Variants in PAXIP1 observed in about 807,000 individuals in gnomAD.
PAXIP1 encodes PAX-interacting protein 1.
PAXIP1 carries 19 observed loss-of-function variants against 140.6 expected under a neutral mutation model. The observed-to-expected ratio is 0.14, with a 90% confidence interval of 0.09 to 0.20. PAXIP1 has a LOEUF of 0.20. Ranked by LOEUF, PAXIP1 falls within the 10% of genes least tolerant of loss-of-function variation. The pLI, the probability that PAXIP1 is intolerant of heterozygous loss-of-function variation, is 1.00. For synonymous variants in PAXIP1, 442 were observed against 444.6 expected (o/e 0.99, Z 0.07); for missense variants, 920 against 1,208.6 (o/e 0.76, Z 3.54).
At chr7:154,980,012 G>A (rs535336955) in intron 5 of PAXIP1, among the ~76,000 whole-genome samples, 55 of 152,318 alleles carry the variant, frequency 3.6e-4, no homozygotes, top group African/African-American at 1.2e-3. Context: ...AAATTTGTGA[G>A]AGCCTATTGT....
chr7:154,983,261 G>A lies in PAXIP1; in HGVS notation c.396C>T (p.Leu132=), dbSNP rs775916367. 5.0e-5 allele frequency: 81 copies of A among 1,612,444 alleles called. No homozygotes were observed. The highest frequency in any genetic ancestry group is 6.4e-5 in the Non-Finnish European group (76 of 1,179,142). The stretch of plus-strand genomic sequence containing the variant: ...CAATCAAATGCGTGCATTTCTTATT[G>A]AGGGTTAGCTGGCAATCTCCCCCAT... The part of the protein sequence containing the change: ...TFYGGDCQLT[L]NKKCTHLIVP... Residue 132 remains leucine, a synonymous_variant, in exon 5 of 21, where the codon CTC becomes CTT. Transcript: ENST00000404141.
chr7:154,960,313 C>CT (rs1162389017), intron 12 of PAXIP1, among the ~76,000 whole-genome samples: 1 of 152,154 alleles, frequency 6.6e-6, no homozygotes, highest in East Asian at 1.9e-4. Flanking sequence ...ACCTTCTTGC[C>CT]TTATCACAGG....
intron 16 of PAXIP1, chr7:154,949,499 A>G (rs951840229): frequency 3.9e-5 from 6 of 152,332 alleles, no homozygotes; most frequent in Admixed American, 3.3e-4. Flanking sequence ...AAGGAACAAA[A>G]AAAGTACTGT....
At chr7:154,993,699 T>A (rs1159398912) in intron 3 of PAXIP1, 27 bp downstream of exon 3, 1 of 1,558,136 alleles carries the variant, frequency 6.4e-7, no homozygotes. Flanking sequence ...ACCCTTTCCC[T>A]CCTCCCCCAC....
rs1355667341 is a variant in PAXIP1, at chr7:154,954,778, T to G, written c.2653-355A>C. ...CCAAGACTTCCTAGGCCAAAACTGGTGTTAATGAAGAACATTTACCTGCTA... is the reference window on the plus strand; with the variant it reads ...CCAAGACTTCCTAGGCCAAAACTGGGGTTAATGAAGAACATTTACCTGCTA... On this transcript the variant is annotated intron_variant, in intron 15 of 20. Coordinates refer to ENST00000404141, the MANE Select transcript of PAXIP1 (RefSeq NM_007349.4). The surrounding 1 kb of genome is among the most constrained non-coding windows in gnomAD (Gnocchi z 5.1). Among the ~76,000 whole-genome samples, 1 of 152,204 alleles carries G rather than the reference T, an allele frequency of 6.6e-6. No homozygotes were observed. Among genetic ancestry groups the G allele is most frequent in the Non-Finnish European group, 1.5e-5 (1 of 68,038 alleles).
chr7:154,978,966 T>G (rs1809723473), intron 5 of PAXIP1, among the ~76,000 whole-genome samples: 2 of 152,190 alleles, frequency 1.3e-5, no homozygotes, highest in Non-Finnish European at 2.9e-5. Flanking sequence ...CTATTTCCTG[T>G]GGAAATCTAA....
intron 5 of PAXIP1, among the ~76,000 whole-genome samples, chr7:154,977,055 TG>T (rs1264178051): frequency 6.6e-6 from 1 of 152,170 alleles, no homozygotes; most frequent in Non-Finnish European, 1.5e-5. Flanking sequence ...GAGCTTTGGC[TG>T]GGGCACAAAT....
Position 154,986,113 on chromosome 7 carries a change from C to A in PAXIP1, c.325-2781G>T. The A allele has an allele frequency of 1.5e-6, 2 of 1,363,762 alleles. No individual in the cohort carries two copies. Among genetic ancestry groups the A allele is most frequent in the Non-Finnish European group, 2.0e-6 (2 of 1,020,812 alleles). 84.5% of individuals were successfully genotyped at this position (1,363,762 alleles called of 1,614,324 possible). On this transcript the variant is annotated intron_variant, in intron 4 of 20. Coordinates refer to ENST00000404141, the MANE Select transcript of PAXIP1 (RefSeq NM_007349.4). The surrounding 1 kb of genome is among the most constrained non-coding windows in gnomAD (Gnocchi z 4.8). ...TCCCAACTTCTGCTGGACAAGCTCC[C>A]TTCCCTACCTCTCCCTGGGAGAGCT...
At chr7:154,945,764 T>A in intron 20 of PAXIP1, 1 of 985,220 alleles carries the variant, frequency 1.0e-6, no homozygotes, top group Non-Finnish European at 1.2e-6. Flanking sequence ...ACTGATAGGC[T>A]GTTCCTACAT....
rs752984489 is a variant in PAXIP1, at chr7:154,968,464, T to TTGCTGC, written c.1731_1736dup (p.Gln580_Gln581dup). 7.1e-7 allele frequency: 1 copy of TTGCTGC among 1,399,752 alleles called. No individual in the cohort carries two copies. The highest frequency in any genetic ancestry group is 2.5e-5 in the East Asian group (1 of 40,206). The allele number at this position is 1,399,752 out of a possible 1,614,324, so 86.7% of individuals were successfully genotyped here. ...GCTGAGGCGATGGTGGTGGCTGCTG[T>TTGCTGC]TGCTGCTGCTGCTGCGGGGGCTGCT... On this transcript the variant is annotated inframe_insertion, in exon 7 of 21. Coordinates refer to ENST00000404141, the MANE Select transcript of PAXIP1 (RefSeq NM_007349.4).
chr7:154,967,785 A>C lies in PAXIP1; in HGVS notation c.1893+31T>G, dbSNP rs775433690. On this transcript the variant is annotated intron_variant, in intron 8 of 20. Transcript: ENST00000404141. ...ACATAAGAAAGAAGCATCTTCAGAC[A>C]CAGTCATCCTTCCTCCAGGCACAAT... 9 of 1,464,178 alleles carry C rather than the reference A, an allele frequency of 6.1e-6. No homozygotes were observed. The South Asian group carries it at 1.0e-4, about 17-fold the overall frequency. 90.7% of individuals were successfully genotyped at this position (1,464,178 alleles called of 1,614,324 possible).
intron 20 of PAXIP1, chr7:154,945,465 G>A (rs1422002422): frequency 3.2e-6 from 3 of 929,272 alleles, no homozygotes; most frequent in Non-Finnish European, 3.9e-6. Flanking sequence ...AGGCACACAC[G>A]AAGAAAAAAA....
chr7:154,977,337 G>C (rs557491746), intron 5 of PAXIP1, among the ~76,000 whole-genome samples: 1 of 152,300 alleles, frequency 6.6e-6, no homozygotes, highest in East Asian at 1.9e-4. Context: ...CAATTCTCTA[G>C]CAAACACATA....
chr7:154,968,362 A>G, intron 7 of PAXIP1, 41 bp downstream of exon 7: 1 of 1,484,412 alleles, frequency 6.7e-7, no homozygotes, highest in South Asian at 1.3e-5. Flanking sequence ...ATGTGGGTAC[A>G]AGACTTTTAG....
In PAXIP1 at chr7:154,969,028, T is replaced by G. The variant is rs1333599073; in HGVS notation, c.1173A>C (p.Gln391His). The change falls in exon 7 of 21, where the codon CAA becomes CAC. Residue 391 changes from glutamine (Q) to histidine (H), a missense_variant. Around this residue, in one of 5 missense-constraint regions of PAXIP1, gnomAD observed 419 missense variants for 514.7 expected, o/e 0.81. Coordinates refer to ENST00000404141, the MANE Select transcript of PAXIP1 (RefSeq NM_007349.4). ...HTNANAVLFSQVKVTPETHML... is the reference protein window; with the variant it reads ...HTNANAVLFSHVKVTPETHML... ...TGTGTGTCTCTGGAGTCACTTTCACTTGGCTAAACAGCACTGCATTGGCAT... is the reference window on the plus strand; with the variant it reads ...TGTGTGTCTCTGGAGTCACTTTCACGTGGCTAAACAGCACTGCATTGGCAT... The G allele has an allele frequency of 1.9e-6, 3 of 1,549,840 alleles. No homozygotes were observed. Among genetic ancestry groups the G allele is most frequent in the Non-Finnish European group, 2.6e-6 (3 of 1,146,010 alleles).
upstream of PAXIP1, chr7:155,003,202 C>T (rs1811021298): frequency 6.6e-6 from 1 of 151,016 alleles, no homozygotes; most frequent in African/African-American, 2.4e-5. Flanking sequence ...GCCGCCCGGC[C>T]TCCAGTGACG....
chr7:154,962,496 T>C (rs371623668), intron 9 of PAXIP1, 38 bp from the exon 10 acceptor site: 2 of 1,584,178 alleles, frequency 1.3e-6, no homozygotes, highest in African/African-American at 2.7e-5. Context: ...TGTTTTTGTT[T>C]TTCTGCTGCA....
intron 5 of PAXIP1, among the ~76,000 whole-genome samples, chr7:154,976,961 C>T (rs1028244909): frequency 2.0e-5 from 3 of 152,188 alleles, no homozygotes; most frequent in African/African-American, 7.2e-5. Context: ...AATATAAAAC[C>T]ACTGCTGAAT....
At chr7:154,988,723 G>T (rs1363584322) in intron 4 of PAXIP1, among the ~76,000 whole-genome samples, 1 of 152,080 alleles carries the variant, frequency 6.6e-6, no homozygotes, top group Non-Finnish European at 1.5e-5. Context: ...GTGGCCCTTC[G>T]TCCTCTCTCC....
Sources: allele counts gnomAD v4.1 joint callset (sites outside exome capture counted in the v4.1 genomes callset), GRCh38; gene constraint gnomAD v4.1.1; regional missense constraint gnomAD v4.1.1; non-coding constraint Gnocchi (gnomAD v3.1); transcripts MANE v1.5; gene names NCBI Gene and HGNC (gene_info 2026-07-23, HGNC 2026-07-21).